The following SAMD4A variants were observed in gnomAD, a reference collection of about 807,000 sequenced individuals.
SAMD4A encodes the protein protein Smaug homolog 1.
SAMD4A carries 33 observed loss-of-function variants against 81.3 expected under a neutral mutation model. That is an observed-to-expected ratio of 0.41 (90% confidence interval 0.31 to 0.54). SAMD4A has a LOEUF of 0.54. Ranked by LOEUF, SAMD4A falls within the 20% of genes least tolerant of loss-of-function variation. The probability of loss-of-function intolerance (pLI) is 0.37; values close to 1 mark genes in which losing one functional copy is unlikely to be tolerated. For missense variants in SAMD4A, 854 were observed against 951.1 expected, an observed-to-expected ratio of 0.90 and a Z score of 1.34; for synonymous variants, 389 against 382.1, an observed-to-expected ratio of 1.02 and a Z score of -0.21.
chr14:54,634,727 G>A (rs2358886), intron 2 of SAMD4A, among the ~76,000 whole-genome samples: 7,712 of 39,434 alleles, frequency 0.2, 257 homozygotes, highest in East Asian at 0.47. Context: ...CTATCTGTCT[G>A]TCTGTCTGTC....
intron 2 of SAMD4A, chr14:54,693,859 G>A (rs976203738): frequency 6.6e-6 from 1 of 152,348 alleles, no homozygotes; most frequent in East Asian, 1.9e-4. Context: ...GAATAAGGGA[G>A]TGTAAGGTGA....
At chr14:54,595,547 A>G (rs2033890041) in intron 2 of SAMD4A, among the ~76,000 whole-genome samples, 1 of 151,828 alleles carries the variant, frequency 6.6e-6, no homozygotes, top group Non-Finnish European at 1.5e-5. Context: ...ACTACAATAC[A>G]AGGAACCAAG....
In SAMD4A at chr14:54,790,165, G is replaced by C. The variant is rs560813214; in HGVS notation, c.*1221G>C. The C allele has an allele frequency of 6.6e-6, 1 of 152,386 alleles. No individual in the cohort carries two copies. The highest frequency in any genetic ancestry group is 1.9e-4 in the East Asian group (1 of 5,186). 9.4% of individuals were successfully genotyped at this position (152,386 alleles called of 1,614,324 possible). On this transcript the variant is annotated 3_prime_UTR_variant, in exon 13 of 13. Coordinates refer to ENST00000554335, the MANE Select transcript of SAMD4A (RefSeq NM_015589.6). ...TTGTAGGAACTGGAGCCTGGAGGCT[G>C]CATCTACTTCACCTGTCACTGCTGA...
At chr14:54,610,076 A>G (rs965344744) in intron 2 of SAMD4A, among the ~76,000 whole-genome samples, 1 of 152,174 alleles carries the variant, frequency 6.6e-6, no homozygotes, top group African/African-American at 2.4e-5. Flanking sequence ...CTCTCTCAGC[A>G]ACCTAGTTTT....
At chr14:54,603,512 C>T (rs1454783613) in intron 2 of SAMD4A, among the ~76,000 whole-genome samples, 1 of 152,142 alleles carries the variant, frequency 6.6e-6, no homozygotes, top group African/African-American at 2.4e-5. Context: ...GTTCTGAGTC[C>T]AGTGTGCATA....
At chr14:54,685,999 G>A in intron 2 of SAMD4A, 1 of 397,552 alleles carries the variant, frequency 2.5e-6, no homozygotes, top group South Asian at 1.8e-5. Context: ...CTCATACAAA[G>A]GTCCTATGTA....
rs148685654 is a variant in SAMD4A, at chr14:54,594,235, A to G, written c.196+26123A>G. Among the ~76,000 whole-genome samples, 94 of 152,240 alleles carry G rather than the reference A, an allele frequency of 6.2e-4. No individual in the cohort carries two copies. The East Asian group carries it at 0.018, about 28-fold the overall frequency. ...GGTTTTCTTTCTGCCTATTAAGTGTATATTATCTGCATAAGGTACAGAACG... is the reference window on the plus strand; with the variant it reads ...GGTTTTCTTTCTGCCTATTAAGTGTGTATTATCTGCATAAGGTACAGAACG... On this transcript the variant is annotated intron_variant, in intron 2 of 12. Transcript: ENST00000554335.
chr14:54,625,257 A>G (rs1411948076), intron 2 of SAMD4A, among the ~76,000 whole-genome samples: 1 of 152,220 alleles, frequency 6.6e-6, no homozygotes, highest in East Asian at 1.9e-4. Context: ...TAATTTCAGC[A>G]GTTGGAGTAA....
chr14:54,666,982 A>G (rs574624716), intron 2 of SAMD4A, among the ~76,000 whole-genome samples: 1 of 152,340 alleles, frequency 6.6e-6, no homozygotes, highest in African/African-American at 2.4e-5. Context: ...CAGAATGACA[A>G]TATTTTACTA....
intron 3 of SAMD4A, among the ~76,000 whole-genome samples, chr14:54,706,688 T>G (rs4324049): frequency 0.65 from 97,314 of 150,750 alleles, 32,084 homozygotes; most frequent in Admixed American, 0.71. Context: ...TGAGCTAAGA[T>G]GGAAAGAGGA....
chr14:54,678,513 GTGT>G (rs2036047227), intron 2 of SAMD4A, among the ~76,000 whole-genome samples: 1 of 72,008 alleles, frequency 1.4e-5, no homozygotes, highest in Admixed American at 1.3e-4. Context: ...GTGTGTGTGT[GTGT>G]AGGTCAGGTG....
chr14:54,769,839 T>C (rs2038654058), intron 8 of SAMD4A, among the ~76,000 whole-genome samples: 1 of 152,210 alleles, frequency 6.6e-6, no homozygotes, highest in African/African-American at 2.4e-5. Context: ...GGAATGTGGA[T>C]ATGGATCTGC....
chr14:54,569,709 A>G (rs1187582), intron 2 of SAMD4A, among the ~76,000 whole-genome samples: 138,212 of 152,286 alleles, frequency 0.91, 63,170 homozygotes, highest in African/African-American at 0.96. Context: ...TTGACAAACA[A>G]GGTTATATAA....
At chr14:54,714,221 A>G (rs1021421606) in intron 3 of SAMD4A, among the ~76,000 whole-genome samples, 5 of 152,170 alleles carry the variant, frequency 3.3e-5, no homozygotes, top group Non-Finnish European at 7.4e-5. Context: ...TGATTTCTTT[A>G]AAATGGAGCA....
chr14:54,582,074 G>A (rs2033484189), intron 2 of SAMD4A, among the ~76,000 whole-genome samples: 1 of 152,144 alleles, frequency 6.6e-6, no homozygotes, highest in Non-Finnish European at 1.5e-5. Context: ...ATTTGCAGAT[G>A]ATCTGAGCAC....
At chr14:54,744,210 C>T (rs193189377) in intron 4 of SAMD4A, among the ~76,000 whole-genome samples, 234 of 152,278 alleles carry the variant, frequency 1.5e-3, no homozygotes, top group African/African-American at 5.3e-3. Context: ...ATGCTGCATT[C>T]GATATTGGGC....
At chr14:54,657,352 T>C (rs1233290057) in intron 2 of SAMD4A, among the ~76,000 whole-genome samples, 2 of 152,220 alleles carry the variant, frequency 1.3e-5, no homozygotes, top group African/African-American at 4.8e-5. Flanking sequence ...TAAAGCTCTA[T>C]TGCCTTCCCA....
chr14:54,772,319 A>G (rs761155668), intron 9 of SAMD4A, among the ~76,000 whole-genome samples: 8 of 152,376 alleles, frequency 5.3e-5, no homozygotes, highest in Middle Eastern at 3.4e-3. Context: ...TTCTCTCCCC[A>G]GAAAGCATTG....
Position 54,700,992 on chromosome 14 carries a change from A to ATTTTTTTTTTTTTTTTTTTT in SAMD4A, c.197-1070_197-1069insTTTTTTTTTTTTTTTTTTTT, listed in dbSNP as rs1555344776. On this transcript the variant is annotated intron_variant, in intron 2 of 12. Transcript: ENST00000554335. ...AGTTGCACACCACTGTGAAACGGTG[A>ATTTTTTTTTTTTTTTTTTTT]ATTTTTTTTTTTTTTTTTTTTTTGA... 4 of 121,654 alleles carry ATTTTTTTTTTTTTTTTTTTT rather than the reference A, an allele frequency of 3.3e-5. 1 individual carries two copies. 7.5% of individuals were successfully genotyped at this position (121,654 alleles called of 1,614,324 possible).
Sources: allele counts gnomAD v4.1 joint callset (sites outside exome capture counted in the v4.1 genomes callset), GRCh38; gene constraint gnomAD v4.1.1; transcripts MANE v1.5; gene names NCBI Gene and HGNC (gene_info 2026-07-23, HGNC 2026-07-21).